Variants in TENM2 observed in about 807,000 individuals in gnomAD.
The protein encoded by TENM2 is teneurin-2.
In TENM2, 52 loss-of-function variants were observed where a neutral mutation model predicts 245.2. That is an observed-to-expected ratio of 0.21 (90% CI 0.17 to 0.27). The LOEUF is 0.27. TENM2 is among the 10% of genes least tolerant of loss of function. The pLI, the probability that TENM2 is intolerant of heterozygous loss-of-function variation, is 1.00. For synonymous variants in TENM2, 1,363 were observed against 1,438.9 expected (o/e 0.95, Z 1.19); for missense variants, 3,046 against 3,666.8 (o/e 0.83, Z 4.37).
the TENM2 span, among the ~76,000 whole-genome samples, chr5:167,184,308 G>A: frequency 6.6e-6 from 1 of 152,188 alleles, no homozygotes; most frequent in Non-Finnish European, 1.5e-5. Context: ...CAACGGAGCT[G>A]TGCATTTTTC....
intron 2 of TENM2, among the ~76,000 whole-genome samples, chr5:167,460,448 A>G (rs1021610198): frequency 3.3e-5 from 5 of 152,168 alleles, no homozygotes; most frequent in African/African-American, 9.7e-5. Context: ...GATTCAGCTT[A>G]AAAACTGTGA....
intron 1 of TENM2, among the ~76,000 whole-genome samples, chr5:167,374,135 T>C (rs1226641807): frequency 6.6e-6 from 1 of 152,198 alleles, no homozygotes; most frequent in African/African-American, 2.4e-5. Context: ...ATACCTAACA[T>C]AACCTCATTT....
intron 2 of TENM2, among the ~76,000 whole-genome samples, chr5:167,811,175 G>T (rs978198699): frequency 2.6e-5 from 4 of 152,146 alleles, no homozygotes; most frequent in African/African-American, 9.7e-5. Context: ...TTTTAGTTCA[G>T]CAAATCCTAC....
At chr5:167,209,109 G>A in the TENM2 span, among the ~76,000 whole-genome samples, 2 of 152,076 alleles carry the variant, frequency 1.3e-5, no homozygotes, top group Non-Finnish European at 2.9e-5. Flanking sequence ...GGGGCACATT[G>A]TTTAAATTCC....
the TENM2 span, among the ~76,000 whole-genome samples, chr5:166,988,297 C>CA: frequency 6.6e-6 from 1 of 152,088 alleles, no homozygotes; most frequent in Non-Finnish European, 1.5e-5. Flanking sequence ...ATCAGAGAAG[C>CA]AATGGCTGGA....
the TENM2 span, among the ~76,000 whole-genome samples, chr5:167,189,564 TTTTC>T: frequency 2.0e-5 from 3 of 151,808 alleles, no homozygotes; most frequent in Non-Finnish European, 4.4e-5. Flanking sequence ...TTTCTCTTTC[TTTTC>T]TTTCTTTGTT....
At chr5:167,411,958 C>T (rs978813932) in intron 2 of TENM2, among the ~76,000 whole-genome samples, 1 of 152,036 alleles carries the variant, frequency 6.6e-6, no homozygotes, top group Non-Finnish European at 1.5e-5. Flanking sequence ...ATACTTACTA[C>T]TTAAATGCAA....
At chr5:167,547,200 C>T (rs2127615149) in intron 2 of TENM2, among the ~76,000 whole-genome samples, 1 of 152,262 alleles carries the variant, frequency 6.6e-6, no homozygotes, top group South Asian at 2.1e-4. Context: ...ATTCTGTTGC[C>T]TCAGCCTCGC....
intron 2 of TENM2, among the ~76,000 whole-genome samples, chr5:167,610,076 A>G (rs1179028492): frequency 1.3e-5 from 2 of 152,088 alleles, no homozygotes; most frequent in African/African-American, 4.8e-5. Flanking sequence ...TGCTAGAGTG[A>G]CTCACAGAAC....
At chr5:167,538,879 G>A (rs983457928) in intron 2 of TENM2, among the ~76,000 whole-genome samples, 37 of 152,150 alleles carry the variant, frequency 2.4e-4, no homozygotes, top group Admixed American at 1.2e-3. Context: ...GGCAAAATAA[G>A]AGTTAGGCTC....
the TENM2 span, among the ~76,000 whole-genome samples, chr5:167,271,251 C>G: frequency 6.6e-6 from 1 of 152,108 alleles, no homozygotes; most frequent in African/African-American, 2.4e-5. Context: ...TTAGCCAGTG[C>G]CTAAGGTACA....
the TENM2 span, among the ~76,000 whole-genome samples, chr5:167,216,448 T>C: frequency 6.6e-6 from 1 of 152,196 alleles, no homozygotes; most frequent in Admixed American, 6.5e-5. Flanking sequence ...TAGTCTCCTC[T>C]TCTGCAGTGC....
intron 3 of TENM2, among the ~76,000 whole-genome samples, chr5:167,951,115 TTTC>T (rs1445700161): frequency 2.6e-5 from 4 of 152,242 alleles, no homozygotes; most frequent in Non-Finnish European, 4.4e-5. Context: ...CATGTTGTCT[TTTC>T]TTCAGAATGT....
At chr5:168,133,617 T>G (rs1754782991) in intron 12 of TENM2, among the ~76,000 whole-genome samples, 2 of 152,210 alleles carry the variant, frequency 1.3e-5, no homozygotes, top group South Asian at 4.1e-4. Flanking sequence ...GTTGAATTAT[T>G]GAGGATAGTG....
At chr5:167,783,469 T>C (rs1764346826) in intron 2 of TENM2, among the ~76,000 whole-genome samples, 1 of 152,130 alleles carries the variant, frequency 6.6e-6, no homozygotes, top group South Asian at 2.1e-4. Flanking sequence ...TGAACCCCAG[T>C]TTAACAAGCC....
At chr5:167,706,716 G>A (rs1758549089) in intron 2 of TENM2, among the ~76,000 whole-genome samples, 1 of 151,938 alleles carries the variant, frequency 6.6e-6, no homozygotes, top group African/African-American at 2.4e-5. Context: ...CCCATCAATA[G>A]TGTTAAAGGG....
At chr5:167,985,101 A>G (rs1283147578) in intron 4 of TENM2, among the ~76,000 whole-genome samples, 1 of 152,214 alleles carries the variant, frequency 6.6e-6, no homozygotes, top group African/African-American at 2.4e-5. Context: ...TTTTAGAGAC[A>G]ATAAACCTGA....
chr5:168,086,651 T>C (rs1200158953), intron 7 of TENM2, among the ~76,000 whole-genome samples: 1 of 152,180 alleles, frequency 6.6e-6, no homozygotes, highest in Non-Finnish European at 1.5e-5. Context: ...CCTAAACCCC[T>C]TCCAGAGCTT....
At chr5:167,326,230 A>G (rs369242613) in intron 1 of TENM2, among the ~76,000 whole-genome samples, 4 of 152,180 alleles carry the variant, frequency 2.6e-5, no homozygotes, top group East Asian at 1.9e-4. Flanking sequence ...AAAGCAGGAT[A>G]TATTTGATAG....
Sources: allele counts gnomAD v4.1 joint callset (sites outside exome capture counted in the v4.1 genomes callset), GRCh38; gene constraint gnomAD v4.1.1; transcripts MANE v1.5; gene names NCBI Gene and HGNC (gene_info 2026-07-23, HGNC 2026-07-21).